The following POFUT1 variants were observed in gnomAD, a reference collection of about 807,000 sequenced individuals.
The protein encoded by POFUT1 is GDP-fucose protein O-fucosyltransferase 1.
A neutral mutation model predicts 42.4 loss-of-function variants in POFUT1; 16 were observed. The observed-to-expected ratio is 0.38, with a 90% CI of 0.26 to 0.57. The LOEUF is 0.57. Ranked by LOEUF, POFUT1 falls within the 20% of genes least tolerant of loss-of-function variation. POFUT1 has a pLI of 0.71. For missense variants in POFUT1, 470 were observed against 504.6 expected (o/e 0.93, Z 0.66); for synonymous variants, 206 against 205.4 (o/e 1.00, Z -0.03).
chr20:32,212,714 G>A (rs1231481745), intron 2 of POFUT1, among the ~76,000 whole-genome samples: 1 of 151,906 alleles, frequency 6.6e-6, no homozygotes, highest in African/African-American at 2.4e-5. Flanking sequence ...TTGAGTAGCT[G>A]GGACTACAGG....
chr20:32,217,266 G>A, intron 4 of POFUT1: 3 of 1,381,682 alleles, frequency 2.2e-6, no homozygotes, highest in South Asian at 1.7e-5. Flanking sequence ...GTGTGAAAAT[G>A]AGGATGACCA....
chr20:32,222,857 C>T (rs1379345898), intron 4 of POFUT1: 36 of 985,258 alleles, frequency 3.7e-5, no homozygotes, highest in Middle Eastern at 5.2e-4. Flanking sequence ...GGAATTTGAG[C>T]GCATGGCTTG....
Position 32,215,409 on chromosome 20 carries a change from G to A in POFUT1, c.387G>A (p.Val129=), listed in dbSNP as rs748437927. 1 of 1,613,842 alleles carries A rather than the reference G, an allele frequency of 6.2e-7. No individual in the cohort carries two copies. The highest frequency in any genetic ancestry group is 8.5e-7 in the Non-Finnish European group (1 of 1,179,840). ...PEKRVAYCFE[V]AAQRSPDKKT... is the part of the protein sequence containing the mutation. The stretch of plus-strand genomic sequence containing the variant: ...AGCGGGTGGCATACTGCTTTGAGGT[G>A]GCAGCCCAGCGAAGCCCAGATAAGA... The change falls in exon 3 of 7, where the codon GTG becomes GTA. Residue 129 remains valine (V), a synonymous_variant. Transcript: ENST00000375749.
At chr20:32,224,119 C>T (rs570766512) in intron 4 of POFUT1, among the ~76,000 whole-genome samples, 18 of 152,170 alleles carry the variant, frequency 1.2e-4, no homozygotes, top group African/African-American at 2.7e-4. Context: ...AGGCCAGGCG[C>T]GGTGGCTCAC....
intron 2 of POFUT1, among the ~76,000 whole-genome samples, chr20:32,213,616 C>G (rs958936384): frequency 6.6e-6 from 1 of 151,136 alleles, no homozygotes; most frequent in African/African-American, 2.4e-5. Context: ...ACTATAGATA[C>G]AAAAAATTAG....
rs140022502 is a variant in POFUT1 at position 32,233,846 on chromosome 20, C to G, written c.979-627C>G. The stretch of plus-strand genomic sequence containing the variant: ...TCTCTGGTTTGGTGGGGAAGTCCAC[C>G]AGGCCAGGGCTTTAGGAAAAATAGA... On this transcript the variant is annotated intron_variant, in intron 6 of 6. Transcript: ENST00000375749. 1.2e-3 allele frequency among the ~76,000 whole-genome samples: 180 copies of G among 152,256 alleles called. 1 individual carries two copies. The highest frequency in any genetic ancestry group is 4.0e-3 in the African/African-American group (168 of 41,548).
intron 1 of POFUT1, among the ~76,000 whole-genome samples, chr20:32,208,301 G>GA (rs2047305439): frequency 6.6e-6 from 1 of 152,180 alleles, no homozygotes. Flanking sequence ...TGACTTGCTT[G>GA]AGGTCTAAGC....
At chr20:32,222,700 C>T (rs543657875) in intron 4 of POFUT1, 181 of 985,250 alleles carry the variant, frequency 1.8e-4, no homozygotes, top group Non-Finnish European at 2.1e-4. Flanking sequence ...TTCTTTACCA[C>T]GTGATTTCTG....
chr20:32,229,147 A>G (rs572571809), intron 5 of POFUT1, among the ~76,000 whole-genome samples: 1 of 152,348 alleles, frequency 6.6e-6, no homozygotes, highest in East Asian at 1.9e-4. Context: ...CTCCAACCAG[A>G]CATTCAAGGA....
intron 2 of POFUT1, among the ~76,000 whole-genome samples, chr20:32,212,710 A>G (rs2047336241): frequency 6.6e-6 from 1 of 151,912 alleles, no homozygotes; most frequent in African/African-American, 2.4e-5. Flanking sequence ...ACTCTTGAGT[A>G]GCTGGGACTA....
In POFUT1 at chr20:32,207,956, G is replaced by C. The variant is rs1441938649; in HGVS notation, c.15G>C (p.Ala5=). ...CCCGGGCCGACATGGGCGCCGCCGCGTGGGCACGGCCGCTGAGCGTGTCTT... is the reference window on the plus strand; with the variant it reads ...CCCGGGCCGACATGGGCGCCGCCGCCTGGGCACGGCCGCTGAGCGTGTCTT... The part of the protein sequence containing the change: MGAA[A]WARPLSVSFL... Residue 5 remains alanine (A), a synonymous_variant, in exon 1 of 7, where the codon GCG becomes GCC. Transcript: ENST00000375749. 1 of 1,589,466 alleles carries C rather than the reference G, an allele frequency of 6.3e-7. No individual in the cohort carries two copies. The highest frequency in any genetic ancestry group is 1.3e-5 in the African/African-American group (1 of 74,406).
At chr20:32,211,963 C>T (rs1263918399) in intron 2 of POFUT1, among the ~76,000 whole-genome samples, 1 of 152,138 alleles carries the variant, frequency 6.6e-6, no homozygotes, top group Non-Finnish European at 1.5e-5. Context: ...AGTGTTTCTC[C>T]TCTTTCTGTT....
intron 4 of POFUT1, among the ~76,000 whole-genome samples, chr20:32,224,449 A>G (rs184554776): frequency 2.0e-4 from 31 of 152,212 alleles, no homozygotes; most frequent in Admixed American, 9.8e-4. Context: ...CAGCTGGACC[A>G]TCAAGGAACA....
chr20:32,215,277 G>A lies in POFUT1; in HGVS notation c.255G>A (p.Val85=). Residue 85 remains valine (V), a synonymous_variant, in exon 3 of 7, where the codon GTG becomes GTA. Coordinates refer to ENST00000375749, the MANE Select transcript of POFUT1 (RefSeq NM_015352.2). ...TCCTCCTTTTCCTGTAGCTCCATGTGTCCTACCAGAAGTACTTCAAGCTGG... is the reference window on the plus strand; with the variant it reads ...TCCTCCTTTTCCTGTAGCTCCATGTATCCTACCAGAAGTACTTCAAGCTGG... ...HHKPPFTNLH[V]SYQKYFKLEP... is the part of the protein sequence containing the mutation. 6.2e-7 allele frequency: 1 copy of A among 1,610,594 alleles called. No individual in the cohort carries two copies. Among genetic ancestry groups the A allele is most frequent in the Non-Finnish European group, 8.5e-7 (1 of 1,177,048 alleles).
rs62207418 is a variant in POFUT1 at position 32,212,208 on chromosome 20, C to T, written c.246+2016C>T. 7.4e-3 allele frequency among the ~76,000 whole-genome samples: 1,133 copies of T among 152,176 alleles called. 4 individuals are homozygous for T. The highest frequency in any genetic ancestry group is 0.017 in the Middle Eastern group (5 of 294). On this transcript the variant is annotated intron_variant, in intron 2 of 6. Coordinates refer to ENST00000375749, the MANE Select transcript of POFUT1 (RefSeq NM_015352.2). ...GACTCCTGTGGCTTTTACTCTTCTC[C>T]GTGTACCTCCCAAATTTATCTGTGG...
intron 2 of POFUT1, 37 bp downstream of exon 2, chr20:32,210,229 C>G (rs754641501): frequency 6.2e-7 from 1 of 1,612,260 alleles, no homozygotes; most frequent in Non-Finnish European, 8.5e-7. Context: ...TTTCTCCGCC[C>G]TTTCTCAGTC....
In POFUT1 at chr20:32,237,797, A is replaced by C; in HGVS notation, c.*3136A>C. 1 of 534,696 alleles carries C rather than the reference A, an allele frequency of 1.9e-6. No homozygotes were observed. The highest frequency in any genetic ancestry group is 3.8e-6 in the Non-Finnish European group (1 of 260,074). The allele number at this position is 534,696 out of a possible 1,614,324, so 33.1% of individuals were successfully genotyped here. A position where few individuals can be genotyped will look rare whatever the true frequency, so the allele number is the denominator to read the frequency against. Reference sequence around the variant, plus strand: ...GGCTGTTAACAGGGTTGCAGGCGAGAGACTGGGGTGCTGGGCTCCCCTAGA... The same window carrying C: ...GGCTGTTAACAGGGTTGCAGGCGAGCGACTGGGGTGCTGGGCTCCCCTAGA... On this transcript the variant is annotated 3_prime_UTR_variant, in exon 7 of 7. Coordinates refer to ENST00000375749, the MANE Select transcript of POFUT1 (RefSeq NM_015352.2).
intron 5 of POFUT1, 40 bp from the exon 6 acceptor site, chr20:32,230,779 G>A (rs1466504177): frequency 1.2e-6 from 2 of 1,601,334 alleles, no homozygotes; most frequent in Admixed American, 1.7e-5. Context: ...GGGTTCCAGG[G>A]CAGTTGCCAG....
chr20:32,220,979 A>G (rs1324264651), intron 4 of POFUT1, among the ~76,000 whole-genome samples: 1 of 152,156 alleles, frequency 6.6e-6, no homozygotes, highest in African/African-American at 2.4e-5. Flanking sequence ...TAACAACTGA[A>G]TCTGGAAACC....
Sources: gnomAD v4.1 joint callset for allele counts (sites outside exome capture counted in the v4.1 genomes callset) on GRCh38, gnomAD v4.1.1 for gene constraint, MANE v1.5 for transcripts, NCBI Gene and HGNC (gene_info 2026-07-23, HGNC 2026-07-21) for gene names.